The following SGCZ variants were observed in gnomAD, a reference collection of about 807,000 sequenced individuals.
SGCZ encodes the protein zeta-sarcoglycan.
Under a neutral mutation model 41.3 loss-of-function variants are expected in SGCZ, and 40 were observed. That is an observed-to-expected ratio of 0.97 (90% CI 0.75 to 1.26). The LOEUF is 1.26. Among genes scored for constraint, SGCZ ranks in the 50% most tolerant of loss-of-function variants. SGCZ has a pLI of 0.00. For missense variants in SGCZ, 552 were observed against 369.8 expected (o/e 1.49, Z -4.04); for synonymous variants, 206 against 137.5 (o/e 1.50, Z -3.49).
intron 1 of SGCZ, among the ~76,000 whole-genome samples, chr8:14,931,312 C>G (rs1443891321): frequency 6.6e-6 from 1 of 151,992 alleles, no homozygotes; most frequent in South Asian, 2.1e-4. Flanking sequence ...TATAACTTTT[C>G]TTAAGTTAAA....
At chr8:15,115,319 T>C (rs1807227227) in intron 1 of SGCZ, among the ~76,000 whole-genome samples, 1 of 152,104 alleles carries the variant, frequency 6.6e-6, no homozygotes, top group African/African-American at 2.4e-5. Flanking sequence ...CACATGTAAT[T>C]TGCTAGAAGT....
intron 4 of SGCZ, among the ~76,000 whole-genome samples, chr8:14,197,975 C>A (rs1486575120): frequency 6.6e-6 from 1 of 152,006 alleles, no homozygotes; most frequent in Non-Finnish European, 1.5e-5. Context: ...GCTCAATATA[C>A]CAAAAATTAA....
intron 3 of SGCZ, among the ~76,000 whole-genome samples, chr8:14,305,876 T>A (rs1355686844): frequency 6.6e-6 from 1 of 152,314 alleles, no homozygotes; most frequent in East Asian, 1.9e-4. Flanking sequence ...GGACTCACTC[T>A]CTATTGCCGC....
intron 1 of SGCZ, among the ~76,000 whole-genome samples, chr8:15,060,091 C>G (rs374797179): frequency 6.6e-6 from 1 of 152,264 alleles, no homozygotes; most frequent in South Asian, 2.1e-4. Context: ...CTAGTTCAAC[C>G]ATTGTGGAAG....
intron 1 of SGCZ, among the ~76,000 whole-genome samples, chr8:15,195,461 T>C (rs1800692439): frequency 6.6e-6 from 1 of 152,208 alleles, no homozygotes; most frequent in African/African-American, 2.4e-5. Context: ...CTCATTTTCA[T>C]GCCCATCTCT....
intron 1 of SGCZ, among the ~76,000 whole-genome samples, chr8:15,101,552 G>A (rs989202320): frequency 6.6e-6 from 1 of 152,120 alleles, no homozygotes. Context: ...CTATTAGAAT[G>A]GCTATAACTG....
intron 1 of SGCZ, among the ~76,000 whole-genome samples, chr8:14,723,747 C>T (rs1412050443): frequency 6.6e-6 from 1 of 151,744 alleles, no homozygotes; most frequent in East Asian, 1.9e-4. Context: ...GTATATTATA[C>T]ATGTTTATAT....
At chr8:14,564,737 G>T (rs919195763) in intron 1 of SGCZ, among the ~76,000 whole-genome samples, 1 of 152,152 alleles carries the variant, frequency 6.6e-6, no homozygotes, top group African/African-American at 2.4e-5. Context: ...ATTATGTGGT[G>T]TGAACTTTCC....
At chr8:14,635,791 G>A (rs943602121) in intron 1 of SGCZ, among the ~76,000 whole-genome samples, 11 of 151,858 alleles carry the variant, frequency 7.2e-5, no homozygotes, top group Non-Finnish European at 1.3e-4. Flanking sequence ...ATCCCTGGAT[G>A]TTAAGTGCAG....
At chr8:14,340,018 T>G (rs1585383037) in intron 2 of SGCZ, among the ~76,000 whole-genome samples, 1 of 152,228 alleles carries the variant, frequency 6.6e-6, no homozygotes, top group East Asian at 1.9e-4. Flanking sequence ...AGACACTATT[T>G]CATCAGCTGA....
At chr8:14,360,946 G>A (rs955094892) in intron 2 of SGCZ, among the ~76,000 whole-genome samples, 4 of 152,136 alleles carry the variant, frequency 2.6e-5, no homozygotes, top group South Asian at 2.1e-4. Flanking sequence ...AAGCTCAGCA[G>A]CATGTGACGT....
At chr8:14,475,604 C>A (rs749869911) in intron 2 of SGCZ, among the ~76,000 whole-genome samples, 1 of 152,030 alleles carries the variant, frequency 6.6e-6, no homozygotes, top group Non-Finnish European at 1.5e-5. Context: ...ATTTTATTTA[C>A]AAGACAACTT....
chr8:14,882,968 T>C (rs1804649516), intron 1 of SGCZ, among the ~76,000 whole-genome samples: 1 of 152,118 alleles, frequency 6.6e-6, no homozygotes, highest in Admixed American at 6.6e-5. Flanking sequence ...ATATTTCTAA[T>C]TTTATTGATT....
chr8:14,098,160 C>G lies in SGCZ; in HGVS notation c.744+4216G>C, dbSNP rs548112003. On this transcript the variant is annotated intron_variant, in intron 7 of 7. Transcript: ENST00000382080. ...ACATTATAAAACAAATGAATGGCTG[C>G]ATTTATCAACAGTATTCAAAGTTAA... Among the ~76,000 whole-genome samples the G allele has an allele frequency of 3.9e-5, 6 of 152,232 alleles. No individual in the cohort carries two copies. The East Asian group carries it at 1.2e-3, about 29-fold the overall frequency.
intron 2 of SGCZ, among the ~76,000 whole-genome samples, chr8:14,379,347 G>C (rs571185038): frequency 6.6e-6 from 1 of 152,248 alleles, no homozygotes; most frequent in South Asian, 2.1e-4. Context: ...TAAGTAGATA[G>C]ATGATATAAT....
intron 1 of SGCZ, among the ~76,000 whole-genome samples, chr8:14,858,030 T>A (rs1803600791): frequency 6.6e-6 from 1 of 152,156 alleles, no homozygotes; most frequent in South Asian, 2.1e-4. Flanking sequence ...CATTATGGTC[T>A]GTAATGTGAA....
rs191285427 is a variant in SGCZ at position 14,182,784 on chromosome 8, C to T, written c.425-18082G>A. Among the ~76,000 whole-genome samples, 609 of 151,982 alleles carry T rather than the reference C, an allele frequency of 4.0e-3. 6 individuals carry two copies. The highest frequency in any genetic ancestry group is 0.012 in the African/African-American group (504 of 41,464). On this transcript the variant is annotated intron_variant, in intron 4 of 7. Coordinates refer to ENST00000382080, the MANE Select transcript of SGCZ (RefSeq NM_139167.4). ...AGCACTTTGGGAGGCCGAGAGGGGGCGGATCACCTGAGGTCAGAAGTTCAA... is the reference window on the plus strand; with the variant it reads ...AGCACTTTGGGAGGCCGAGAGGGGGTGGATCACCTGAGGTCAGAAGTTCAA...
chr8:15,003,009 C>A (rs1802481964), intron 1 of SGCZ, among the ~76,000 whole-genome samples: 1 of 152,038 alleles, frequency 6.6e-6, no homozygotes, highest in Non-Finnish European at 1.5e-5. Context: ...TGCCTGTCAC[C>A]ATGTACAACG....
intron 1 of SGCZ, among the ~76,000 whole-genome samples, chr8:14,614,779 G>T (rs1200454559): frequency 1.3e-5 from 2 of 152,016 alleles, no homozygotes; most frequent in African/African-American, 4.8e-5. Flanking sequence ...AGTGGTGGGG[G>T]ATACATTTGA....
Sources: allele counts gnomAD v4.1 joint callset (sites outside exome capture counted in the v4.1 genomes callset), GRCh38; gene constraint gnomAD v4.1.1; transcripts MANE v1.5; gene names NCBI Gene and HGNC (gene_info 2026-07-23, HGNC 2026-07-21).